The following MTRR variants were observed in gnomAD, a reference collection of about 807,000 sequenced individuals.
MTRR encodes the protein 5-methyltetrahydrofolate-homocysteine methyltransferase reductase, also known as methionine synthase reductase.
Under a neutral mutation model 79.2 loss-of-function variants are expected in MTRR, and 63 were observed. That is an observed-to-expected ratio of 0.80 (90% CI 0.65 to 0.98). The LOEUF (loss-of-function observed/expected upper bound fraction) is 0.98, where lower values mean the gene tolerates loss of function less well. Among genes scored for constraint, MTRR ranks in the 50% least tolerant of loss-of-function variants. The probability of loss-of-function intolerance (pLI) is 0.00; values close to 1 mark genes in which losing one functional copy is unlikely to be tolerated. For missense variants in MTRR, 895 were observed against 839.6 expected (o/e 1.07, Z -0.82); for synonymous variants, 355 against 313.3 (o/e 1.13, Z -1.41).
intron 1 of MTRR, chr5:7,856,779 T>TA (rs1746260127): frequency 6.6e-6 from 1 of 151,828 alleles, no homozygotes; most frequent in East Asian, 1.9e-4. Flanking sequence ...TATTTATTTT[T>TA]TTTTTAGGAG....
chr5:7,897,917 C>CT (rs79421232), intron 14 of MTRR, among the ~76,000 whole-genome samples: 23,078 of 149,012 alleles, frequency 0.15, 1,867 homozygotes, highest in Middle Eastern at 0.33. Context: ...AAGTCAGGTT[C>CT]TTTTTTTTTT....
chr5:7,887,002 G>A (rs557996040), intron 8 of MTRR, among the ~76,000 whole-genome samples: 5 of 152,096 alleles, frequency 3.3e-5, no homozygotes, highest in African/African-American at 7.2e-5. Context: ...TATTAACTAC[G>A]TAGCACATTC....
At chr5:7,887,709 AGTG>A (rs975725607) in intron 8 of MTRR, among the ~76,000 whole-genome samples, 2 of 144,240 alleles carry the variant, frequency 1.4e-5, no homozygotes, top group Non-Finnish European at 3.0e-5. Context: ...ATTTGTGTAA[AGTG>A]TGTGTGTATG....
At chr5:7,874,588 CTTT>C (rs5865743) in intron 3 of MTRR, among the ~76,000 whole-genome samples, 120 of 108,164 alleles carry the variant, frequency 1.1e-3, no homozygotes, top group Admixed American at 3.8e-3. Context: ...GGGATTTAAG[CTTT>C]TTTTTTTTTT....
In MTRR at chr5:7,871,004, A is replaced by G. The variant is rs1261697081; in HGVS notation, c.129+81A>G. On this transcript the variant is annotated intron_variant, in intron 2 of 14. Coordinates refer to ENST00000440940, the MANE Select transcript of MTRR (RefSeq NM_002454.3). ...GAAGTGATATTTATGAAACAAAAGGACACTAATACCACCACATAGTCTTTG... is the reference window on the plus strand; with the variant it reads ...GAAGTGATATTTATGAAACAAAAGGGCACTAATACCACCACATAGTCTTTG... 10 of 1,483,470 alleles carry G rather than the reference A, an allele frequency of 6.7e-6. No homozygotes were observed. In the East Asian group the frequency reaches 2.0e-4, roughly 30 times the overall value. The allele number at this position is 1,483,470 out of a possible 1,614,324, so 91.9% of individuals were successfully genotyped here.
intron 1 of MTRR, among the ~76,000 whole-genome samples, chr5:7,851,770 G>C (rs1319110246): frequency 6.6e-6 from 1 of 152,080 alleles, no homozygotes; most frequent in Non-Finnish European, 1.5e-5. Flanking sequence ...GTGTGTTTAC[G>C]TTGGCCCTTG....
intron 1 of MTRR, chr5:7,861,704 A>G (rs1268707963): frequency 5.1e-6 from 8 of 1,574,782 alleles, no homozygotes; most frequent in Non-Finnish European, 6.9e-6. Flanking sequence ...CACAAACACT[A>G]TCTTCCTGTA....
chr5:7,859,360 CATT>C (rs1746369746), intron 1 of MTRR: 1 of 864,606 alleles, frequency 1.2e-6, no homozygotes, highest in Admixed American at 2.6e-5. Context: ...GGCTAATTCA[CATT>C]ATATTTTTCT....
chr5:7,887,399 G>A (rs1022489759), intron 8 of MTRR, among the ~76,000 whole-genome samples: 1 of 151,928 alleles, frequency 6.6e-6, no homozygotes, highest in Non-Finnish European at 1.5e-5. Context: ...CACTTGTATT[G>A]TCAGTGAGCA....
Position 7,885,739 on chromosome 5 carries a change from C to T in MTRR, c.942C>T (p.Ser314=), listed in dbSNP as rs770336060. The T allele has an allele frequency of 6.2e-6, 10 of 1,613,374 alleles. No individual in the cohort carries two copies. In the East Asian group the frequency reaches 6.7e-5, roughly 11 times the overall value. ...DFSYQPGDAF[S]VICPNSDSEV... ...CCTATCAGCCTGGAGATGCCTTCAG[C>T]GTGATCTGCCCTAACAGTGATTCTG... Residue 314 remains serine (S), a synonymous_variant, in exon 7 of 15, where the codon AGC becomes AGT. Coordinates refer to ENST00000440940, the MANE Select transcript of MTRR (RefSeq NM_002454.3).
At chr5:7,891,137 C>G (rs905130442) in intron 9 of MTRR, among the ~76,000 whole-genome samples, 6 of 152,104 alleles carry the variant, frequency 3.9e-5, no homozygotes, top group Non-Finnish European at 7.4e-5. Context: ...GGTAGAAATA[C>G]TGATTTAAGA....
intron 5 of MTRR, among the ~76,000 whole-genome samples, chr5:7,882,670 G>A (rs770439686): frequency 2.8e-4 from 43 of 152,152 alleles, no homozygotes; most frequent in Non-Finnish European, 1.0e-4. Flanking sequence ...ATGAACATTT[G>A]TTAAGATTAA....
At chr5:7,891,349 T>A in intron 9 of MTRR, 23 bp from the exon 10 acceptor site, 2 of 1,526,818 alleles carry the variant, frequency 1.3e-6, no homozygotes, top group South Asian at 2.3e-5. Context: ...AATTAATAAT[T>A]GCTTGTTTTT....
At chr5:7,884,447 A>G (rs1736086397) in intron 6 of MTRR, among the ~76,000 whole-genome samples, 2 of 152,240 alleles carry the variant, frequency 1.3e-5, no homozygotes, top group Non-Finnish European at 2.9e-5. Context: ...TACTTACAGT[A>G]TCTAACACCA....
chr5:7,878,175 A>G lies in MTRR; in HGVS notation c.633A>G (p.Ala211=), dbSNP rs755554446. ...RKDSEVLKQN[A]VNSNQSNVVI... is the part of the protein sequence containing the mutation. ...ATTCTGAGGTTTTGAAGCAAAATGC[A>G]GTGAACAGCAACCAATCCAATGTTG... is the stretch of plus-strand genomic sequence containing the variant. Residue 211 remains alanine (A), a synonymous_variant, in exon 5 of 15, where the codon GCA becomes GCG. Coordinates refer to ENST00000440940, the MANE Select transcript of MTRR (RefSeq NM_002454.3). 2 of 1,614,222 alleles carry G rather than the reference A, an allele frequency of 1.2e-6. No homozygotes were observed. The highest frequency in any genetic ancestry group is 1.3e-5 in the African/African-American group (1 of 75,064).
chr5:7,889,192 G>A lies in MTRR; in HGVS notation c.1244G>A (p.Arg415His), dbSNP rs748202026. ...CSKQGAADYS[R>H]FVRDACACLL... ...AAACAAGGGGCAGCCGATTATAGCCGCTTTGTACGAGATGCCTGTGCCTGC... is the reference window on the plus strand; with the variant it reads ...AAACAAGGGGCAGCCGATTATAGCCACTTTGTACGAGATGCCTGTGCCTGC... Residue 415 changes from arginine (R) to histidine (H), a missense_variant, in exon 9 of 15, where the codon CGC (arginine) becomes CAC (histidine). Transcript: ENST00000440940. The A allele has an allele frequency of 3.0e-5, 48 of 1,613,846 alleles. No homozygotes were observed. The highest frequency in any genetic ancestry group is 3.7e-5 in the Non-Finnish European group (44 of 1,180,036).
At position 7,886,661 on chromosome 5, in the gene MTRR, C is replaced by G; in HGVS notation, c.1104C>G (p.Phe368Leu). The G allele has an allele frequency of 6.2e-7, 1 of 1,613,988 alleles. No homozygotes were observed. The highest frequency in any genetic ancestry group is 8.5e-7 in the Non-Finnish European group (1 of 1,179,892). ...QHIPAGCSLQ[F>L]IFTWCLEIRA... ...TACCTGCGGGATGTTCTCTCCAGTT[C>G]ATTTTTACCTGGTGTCTTGAAATCC... The change falls in exon 8 of 15, where the codon TTC becomes TTG. Residue 368 changes from phenylalanine (F) to leucine (L), a missense_variant. Transcript: ENST00000440940.
intron 2 of MTRR, among the ~76,000 whole-genome samples, chr5:7,862,431 G>A (rs1746617835): frequency 6.6e-6 from 1 of 152,110 alleles, no homozygotes; most frequent in Non-Finnish European, 1.5e-5. Context: ...TAGCCACATG[G>A]TCTAGTGGCT....
Position 7,885,799 on chromosome 5 carries a change from A to C in MTRR, c.1002A>C (p.Glu334Asp), listed in dbSNP as rs1484312888. 11 of 1,614,022 alleles carry C rather than the reference A, an allele frequency of 6.8e-6. No individual in the cohort carries two copies. The highest frequency in any genetic ancestry group is 1.3e-5 in the African/African-American group (1 of 74,894). The stretch of plus-strand genomic sequence containing the variant: ...GCCTACTCCAAAGACTGCAGCTTGA[A>C]GATAAAAGAGAGCACTGCGTCCTTT... Reference protein sequence around the residue: ...VQSLLQRLQLEDKREHCVLLK... With the variant: ...VQSLLQRLQLDDKREHCVLLK... The change falls in exon 7 of 15, where the codon GAA becomes GAC. Residue 334 changes from glutamate (E) to aspartate (D), a missense_variant. Transcript: ENST00000440940.
Sources: allele counts gnomAD v4.1 joint callset (sites outside exome capture counted in the v4.1 genomes callset), GRCh38; gene constraint gnomAD v4.1.1; transcripts MANE v1.5; gene names NCBI Gene and HGNC (gene_info 2026-07-23, HGNC 2026-07-21).